ADGRD1: variants seen among roughly 807,000 people sequenced by gnomAD.
The protein encoded by ADGRD1 is adhesion G protein-coupled receptor D1, also known as G-protein coupled receptor 133.
Under a neutral mutation model 113.4 loss-of-function variants are expected in ADGRD1, and 77 were observed. The observed-to-expected ratio is 0.68, with a 90% confidence interval of 0.57 to 0.82. ADGRD1 has a LOEUF of 0.82. ADGRD1 is among the 40% of genes least tolerant of loss of function. The probability of loss-of-function intolerance (pLI) is 0.00; values close to 1 mark genes in which losing one functional copy is unlikely to be tolerated. For synonymous variants in ADGRD1, 474 were observed against 475.0 expected (o/e 1.00, Z 0.03); for missense variants, 1,036 against 1,139.1 (o/e 0.91, Z 1.30).
rs551189287 is a variant in ADGRD1 at position 131,003,734 on chromosome 12, G to C, written c.1144+432G>C. ...TCGATTTTAAAAGTCTTTACCAGGA[G>C]TGCATTATCCTGCTGATACTTCGCT... On this transcript the variant is annotated intron_variant, in intron 10 of 24. Transcript: ENST00000261654. The surrounding 1 kb of genome is among the most constrained non-coding windows in gnomAD (Gnocchi z 4.8). Among the ~76,000 whole-genome samples the C allele has an allele frequency of 3.1e-4, 47 of 152,362 alleles. 1 individual carries two copies. The highest frequency in any genetic ancestry group is 2.3e-3 in the South Asian group (11 of 4,828).
At chr12:130,993,253 G>T (rs1239354482) in intron 8 of ADGRD1, among the ~76,000 whole-genome samples, 1 of 151,986 alleles carries the variant, frequency 6.6e-6, no homozygotes, top group African/African-American at 2.4e-5. Context: ...TTTCCTTGCT[G>T]AAGTCACACC....
At chr12:131,046,374 C>T (rs1336227526) in intron 13 of ADGRD1, among the ~76,000 whole-genome samples, 10 of 143,610 alleles carry the variant, frequency 7.0e-5, no homozygotes, top group Admixed American at 1.4e-4. Flanking sequence ...GTCAGTGCTC[C>T]TCCCTGGTCA....
At chr12:131,069,116 G>C (rs1593156135) in intron 13 of ADGRD1, 1 of 152,224 alleles carries the variant, frequency 6.6e-6, no homozygotes, top group South Asian at 2.1e-4. Context: ...CGACCCTGAG[G>C]CTCCTGGAGC....
intron 21 of ADGRD1, among the ~76,000 whole-genome samples, chr12:131,133,093 T>TCCTC (rs1950979073): frequency 6.6e-6 from 1 of 152,012 alleles, no homozygotes. Context: ...TCACGTCCTT[T>TCCTC]CCTCTTCCAT....
chr12:131,061,138 C>T (rs1884291051), intron 13 of ADGRD1, among the ~76,000 whole-genome samples: 1 of 152,140 alleles, frequency 6.6e-6, no homozygotes, highest in Non-Finnish European at 1.5e-5. Flanking sequence ...AACATCAGGA[C>T]CTGCAGTCAG....
rs1429804488 is a variant in ADGRD1 at position 131,141,270 on chromosome 12, A to G, written c.*2007A>G. ...AACCTGTCTAAACCTTTTGTTTCCA[A>G]TGAATGAAAGTCATGCACTTTATTT... On this transcript the variant is annotated 3_prime_UTR_variant, in exon 25 of 25. Coordinates refer to ENST00000261654, the MANE Select transcript of ADGRD1 (RefSeq NM_198827.5). The G allele has an allele frequency of 6.6e-6, 1 of 152,226 alleles. No homozygotes were observed. Among genetic ancestry groups the G allele is most frequent in the Admixed American group, 6.5e-5 (1 of 15,284 alleles). 9.4% of individuals were successfully genotyped at this position (152,226 alleles called of 1,614,324 possible).
At chr12:131,092,912 G>A (rs1299134314) in intron 15 of ADGRD1, among the ~76,000 whole-genome samples, 2 of 148,442 alleles carry the variant, frequency 1.3e-5, no homozygotes, top group African/African-American at 5.0e-5. Flanking sequence ...AAAACAAGAA[G>A]AGGAAGATGT....
At chr12:131,130,807 G>A (rs980649863) in intron 20 of ADGRD1, among the ~76,000 whole-genome samples, 9 of 151,960 alleles carry the variant, frequency 5.9e-5, no homozygotes, top group South Asian at 2.1e-4. Context: ...GCTGCCCTCC[G>A]ACTGCAGCTC....
chr12:130,979,930 C>G (rs1266074743), intron 4 of ADGRD1, among the ~76,000 whole-genome samples: 1 of 151,974 alleles, frequency 6.6e-6, no homozygotes, highest in African/African-American at 2.4e-5. Flanking sequence ...GGAATAGAGA[C>G]AACCAGAGCT....
rs114501996 is a variant in ADGRD1 at position 131,001,888 on chromosome 12, G to A, written c.1027-1297G>A. On this transcript the variant is annotated intron_variant, in intron 9 of 24. Transcript: ENST00000261654. ...ATTTGAAAATGTTTGCCAGTTTGAG[G>A]GCAGAAGTGGCATTTTATTCTCTCA... Among the ~76,000 whole-genome samples the A allele has an allele frequency of 8.3e-3, 1,259 of 152,274 alleles. 23 individuals carry two copies. Among genetic ancestry groups the A allele is most frequent in the African/African-American group, 0.029 (1,191 of 41,536 alleles).
At position 131,108,711 on chromosome 12, in the gene ADGRD1, G is replaced by A; in HGVS notation, c.1888-13G>A. 6.2e-7 allele frequency: 1 copy of A among 1,614,036 alleles called. No individual in the cohort carries two copies. Among genetic ancestry groups the A allele is most frequent in the Non-Finnish European group, 8.5e-7 (1 of 1,179,996 alleles). ...CAGAGCTGTCTCACTTCCCATCTCT[G>A]GTTAAATCCTAGACCCCCTGCCAAG... On this transcript the variant is annotated splice_polypyrimidine_tract_variant and intron_variant, in intron 17 of 24. Transcript: ENST00000261654.
intron 13 of ADGRD1, among the ~76,000 whole-genome samples, chr12:131,036,493 G>T (rs1259814547): frequency 2.7e-5 from 4 of 149,722 alleles, no homozygotes; most frequent in Admixed American, 6.7e-5. Flanking sequence ...CACTACACCA[G>T]GTCTCACTCA....
chr12:131,004,395 G>T, intron 11 of ADGRD1, 99 bp downstream of exon 11: 1 of 914,318 alleles, frequency 1.1e-6, no homozygotes, highest in Non-Finnish European at 1.7e-6. Flanking sequence ...CCAGGGAGCT[G>T]CGGTGCTCCC....
intron 3 of ADGRD1, chr12:130,970,506 A>G (rs1450986505): frequency 1.3e-5 from 2 of 152,244 alleles, no homozygotes; most frequent in Non-Finnish European, 2.9e-5. Context: ...ATAGCTGGAA[A>G]GCCTGAGCTG....
At chr12:131,066,138 G>A (rs1593150607) in intron 13 of ADGRD1, among the ~76,000 whole-genome samples, 2 of 152,222 alleles carry the variant, frequency 1.3e-5, no homozygotes, top group South Asian at 4.1e-4. Context: ...TGAGCAGGCA[G>A]TAAAGAAATA....
Position 131,105,862 on chromosome 12 carries a change from C to T in ADGRD1, c.1884C>T (p.Gly628=). The change falls in exon 17 of 25, where the codon GGC becomes GGT. Residue 628 remains glycine, a synonymous_variant. Transcript: ENST00000261654. ...LLLISFRLEP[G]TTPCQVMAVL... ...TCATTAGTTTCCGCCTCGAGCCGGG[C>T]ACGGTGAGTGGGCGCAGCTCCGTGT... 1 of 1,593,372 alleles carries T rather than the reference C, an allele frequency of 6.3e-7. No individual in the cohort carries two copies. The highest frequency in any genetic ancestry group is 1.3e-5 in the African/African-American group (1 of 74,984).
chr12:130,997,004 G>T (rs1215182121), intron 8 of ADGRD1, among the ~76,000 whole-genome samples: 4 of 136,186 alleles, frequency 2.9e-5, no homozygotes, highest in Admixed American at 7.0e-5. Context: ...CTGGCCAGGC[G>T]GGGGGCTGAC....
intron 21 of ADGRD1, among the ~76,000 whole-genome samples, chr12:131,134,424 A>G (rs1951019867): frequency 6.6e-6 from 1 of 152,228 alleles, no homozygotes; most frequent in Admixed American, 6.5e-5. Flanking sequence ...TCTATTGTTC[A>G]TTTTAAGAAA....
rs750337736 is a variant in ADGRD1, at chr12:131,105,884, G to A, written c.1887+19G>A. 3.9e-6 allele frequency: 6 copies of A among 1,548,400 alleles called. No individual in the cohort carries two copies. The highest frequency in any genetic ancestry group is 1.7e-5 in the Admixed American group (1 of 58,802). ...GGGCACGGTGAGTGGGCGCAGCTCCGTGTTCCTGCGCTGTCCTTCCCTTGC... is the reference window on the plus strand; with the variant it reads ...GGGCACGGTGAGTGGGCGCAGCTCCATGTTCCTGCGCTGTCCTTCCCTTGC... On this transcript the variant is annotated intron_variant, in intron 17 of 24. Coordinates refer to ENST00000261654, the MANE Select transcript of ADGRD1 (RefSeq NM_198827.5).
Sources: allele counts gnomAD v4.1 joint callset (sites outside exome capture counted in the v4.1 genomes callset), GRCh38; gene constraint gnomAD v4.1.1; non-coding constraint Gnocchi (gnomAD v3.1); transcripts MANE v1.5; gene names NCBI Gene and HGNC (gene_info 2026-07-23, HGNC 2026-07-21).